Variants in TIMM44 observed in about 807,000 individuals in gnomAD.
TIMM44 encodes translocase of inner mitochondrial membrane 44, also known as mitochondrial import inner membrane translocase subunit TIM44.
A neutral mutation model predicts 63.8 loss-of-function variants in TIMM44; 37 were observed. That is an observed-to-expected ratio of 0.58 (90% CI 0.45 to 0.76). The LOEUF is 0.76. TIMM44 is among the 30% of genes least tolerant of loss of function. The pLI is 0.00. For missense variants in TIMM44, 573 were observed against 603.8 expected (o/e 0.95, Z 0.54); for synonymous variants, 239 against 245.1 (o/e 0.98, Z 0.23).
intron 9 of TIMM44, 142 bp downstream of exon 9, chr19:7,932,485 G>A: frequency 4.2e-6 from 5 of 1,200,092 alleles, no homozygotes; most frequent in South Asian, 1.4e-5. Context: ...AGCCGGGCAG[G>A]AGCCCGTGTG....
Position 7,933,664 on chromosome 19 carries a change from G to A in TIMM44, c.684-94C>T. On this transcript the variant is annotated intron_variant, in intron 6 of 12. Coordinates refer to ENST00000270538, the MANE Select transcript of TIMM44 (RefSeq NM_006351.4). This position sits in a 1 kb window ranked among gnomAD's most constrained non-coding sequence, Gnocchi z 4.3. Reference sequence around the variant, plus strand: ...AGGCAGGGGGCAGTACAGGACAGCAGGCAGCTGAGACCTCAAACCTAGGGG... The same window carrying A: ...AGGCAGGGGGCAGTACAGGACAGCAAGCAGCTGAGACCTCAAACCTAGGGG... 1 of 1,333,858 alleles carries A rather than the reference G, an allele frequency of 7.5e-7. No individual in the cohort carries two copies. Among genetic ancestry groups the A allele is most frequent in the South Asian group, 1.2e-5 (1 of 85,048 alleles). The allele number at this position is 1,333,858 out of a possible 1,614,324, so 82.6% of individuals were successfully genotyped here.
chr19:7,927,188 CAG>C lies in TIMM44; in HGVS notation c.1356_1357del (p.Ter453SerfsTer142). The stretch of plus-strand genomic sequence containing the variant: ...GGCTACCTGGCTCCGGCACCACACT[CAG>C]AGAATCTGCTCGGTGCTGGAGGCCG... On this transcript the variant is annotated frameshift_variant and stop_lost, in exon 13 of 13. Transcript: ENST00000270538. LOFTEE classifies it high-confidence loss of function. 1 of 1,608,182 alleles carries C rather than the reference CAG, an allele frequency of 6.2e-7. No homozygotes were observed. Among genetic ancestry groups the C allele is most frequent in the Non-Finnish European group, 8.5e-7 (1 of 1,179,546 alleles).
At chr19:7,937,927 G>A (rs189421718) in intron 3 of TIMM44, 100 bp downstream of exon 3, 3 of 1,416,242 alleles carry the variant, frequency 2.1e-6, no homozygotes, top group South Asian at 2.3e-5. Flanking sequence ...CTGAGGCAGG[G>A]GAATCACTTG....
At position 7,930,827 on chromosome 19, in the gene TIMM44, C is replaced by T. The variant is rs376851488; in HGVS notation, c.1038+311G>A. Among the ~76,000 whole-genome samples, 21 of 152,300 alleles carry T rather than the reference C, an allele frequency of 1.4e-4. No individual in the cohort carries two copies. The South Asian group carries it at 2.9e-3, about 21-fold the overall frequency. ...GATCTCTCACAGGCCCAGGGGACAC[C>T]CCCAACCAGCCATCTCTTAGACACC... is the stretch of plus-strand genomic sequence containing the variant. On this transcript the variant is annotated intron_variant, in intron 10 of 12. Coordinates refer to ENST00000270538, the MANE Select transcript of TIMM44 (RefSeq NM_006351.4).
At chr19:7,940,465 G>A (rs1252152542) in intron 2 of TIMM44, among the ~76,000 whole-genome samples, 2 of 152,136 alleles carry the variant, frequency 1.3e-5, no homozygotes, top group African/African-American at 4.8e-5. Context: ...AAGGGAAAGA[G>A]TCACAGGTCC....
intron 12 of TIMM44, 88 bp downstream of exon 12, chr19:7,927,569 C>A: frequency 7.3e-7 from 1 of 1,371,146 alleles, no homozygotes; most frequent in Non-Finnish European, 1.0e-6. Context: ...CTTCAGGGCT[C>A]TGAGCTGGGG....
intron 2 of TIMM44, among the ~76,000 whole-genome samples, chr19:7,940,402 ACT>A (rs1404022147): frequency 6.6e-6 from 1 of 151,700 alleles, no homozygotes; most frequent in Non-Finnish European, 1.5e-5. Flanking sequence ...CCTACCAGAG[ACT>A]CTTGGGCTAC....
chr19:7,932,428 C>T (rs187233576), intron 9 of TIMM44, 199 bp downstream of exon 9: 66 of 669,806 alleles, frequency 9.9e-5, no homozygotes, highest in Non-Finnish European at 1.4e-4. Context: ...CCGGAGGTGC[C>T]GGTAAGGCCC....
At chr19:7,931,085 G>A (rs747107507) in intron 10 of TIMM44, 53 bp downstream of exon 10, 16 of 1,562,300 alleles carry the variant, frequency 1.0e-5, no homozygotes, top group Non-Finnish European at 1.3e-5. Flanking sequence ...ACTTCTCCAT[G>A]GTGATTTTTT....
chr19:7,930,131 T>G (rs4804836), intron 10 of TIMM44, among the ~76,000 whole-genome samples: 152,014 of 152,022 alleles, frequency 1, 76,003 homozygotes, highest in East Asian at 1. Flanking sequence ...TGACAGGCGT[T>G]AGCCACCGTG....
chr19:7,934,226 C>T lies in TIMM44; in HGVS notation c.406G>A (p.Val136Ile). 6.2e-7 allele frequency: 1 copy of T among 1,612,590 alleles called. No homozygotes were observed. The highest frequency in any genetic ancestry group is 8.5e-7 in the Non-Finnish European group (1 of 1,179,988). The change falls in exon 5 of 13, where the codon GTC (valine) becomes ATC (isoleucine). Residue 136 changes from valine (V) to isoleucine (I), a missense_variant. Transcript: ENST00000270538. This position sits in a 1 kb window ranked among gnomAD's most constrained non-coding sequence, Gnocchi z 5.3. ...TGTVKESLHE[V>I]SKSDLGRKIK... is the part of the protein sequence containing the mutation. ...TTCCGGCCGAGATCACTTTTACTGA[C>T]TTCGTGAAGGCTCTACTGAGACAGA...
At chr19:7,935,394 A>G in intron 3 of TIMM44, 1 of 492,208 alleles carries the variant, frequency 2.0e-6, no homozygotes, top group Non-Finnish European at 3.7e-6. Context: ...CAAACTTCTG[A>G]CCTCAAGTGA....
chr19:7,940,286 G>A (rs570763838), intron 2 of TIMM44, among the ~76,000 whole-genome samples: 22 of 151,424 alleles, frequency 1.5e-4, no homozygotes, highest in Admixed American at 9.2e-4. Context: ...CAGGCCTCCT[G>A]TCAGCAGGCT....
chr19:7,941,336 A>G (rs34075581), intron 1 of TIMM44, 139 bp from the exon 2 acceptor site: 51,180 of 694,862 alleles, frequency 0.074, 2,287 homozygotes, highest in African/African-American at 0.16. Flanking sequence ...GTCTCAGGCT[A>G]GAGTGCAGTG....
intron 1 of TIMM44, among the ~76,000 whole-genome samples, 187 bp from the exon 2 acceptor site, chr19:7,941,384 T>G (rs1051774345): frequency 6.7e-6 from 1 of 150,170 alleles, no homozygotes; most frequent in African/African-American, 2.5e-5. Flanking sequence ...GCCTCCTGGG[T>G]TCAAGCGATT....
Position 7,934,212 on chromosome 19 carries a change from A to G in TIMM44, c.420T>C (p.Asp140=). Residue 140 remains aspartate, a synonymous_variant, in exon 5 of 13, where the codon GAT becomes GAC. Transcript: ENST00000270538. The surrounding 1 kb of genome is among the most constrained non-coding windows in gnomAD (Gnocchi z 5.3). ...KESLHEVSKS[D]LGRKIKEGVE... ...CGCCCTCCTTGATTTTCCGGCCGAG[A>G]TCACTTTTACTGACTTCGTGAAGGC... The G allele has an allele frequency of 6.2e-7, 1 of 1,613,022 alleles. No individual in the cohort carries two copies. The highest frequency in any genetic ancestry group is 8.5e-7 in the Non-Finnish European group (1 of 1,179,970).
chr19:7,939,156 G>A (rs918665650), intron 2 of TIMM44, among the ~76,000 whole-genome samples: 3 of 152,056 alleles, frequency 2.0e-5, no homozygotes, highest in Non-Finnish European at 2.9e-5. Flanking sequence ...TAATAATAAT[G>A]TATCAACATC....
chr19:7,931,352 C>A (rs1038835185), intron 9 of TIMM44, 164 bp from the exon 10 acceptor site: 21 of 700,870 alleles, frequency 3.0e-5, no homozygotes, highest in Non-Finnish European at 5.2e-5. Context: ...GGTGTCCCCC[C>A]CAGGCCCGTC....
chr19:7,927,099 C>T lies in TIMM44; in HGVS notation c.*88G>A. Reference sequence around the variant, plus strand: ...TGGGGGCAGAGCCCGCAGTCTTGTTCCCAGAGGTCTGGAGTTGCCGCAGGT... The same window carrying T: ...TGGGGGCAGAGCCCGCAGTCTTGTTTCCAGAGGTCTGGAGTTGCCGCAGGT... On this transcript the variant is annotated 3_prime_UTR_variant, in exon 13 of 13. Transcript: ENST00000270538. 4.6e-6 allele frequency: 7 copies of T among 1,524,534 alleles called. No individual in the cohort carries two copies. The highest frequency in any genetic ancestry group is 1.2e-5 in the South Asian group (1 of 83,880). 94.4% of individuals were successfully genotyped at this position (1,524,534 alleles called of 1,614,324 possible). A position where few individuals can be genotyped will look rare whatever the true frequency, so the allele number is the denominator to read the frequency against.
Sources: gnomAD v4.1 joint callset for allele counts (sites outside exome capture counted in the v4.1 genomes callset) on GRCh38, gnomAD v4.1.1 for gene constraint, Gnocchi (gnomAD v3.1) non-coding constraint, MANE v1.5 for transcripts, NCBI Gene and HGNC (gene_info 2026-07-23, HGNC 2026-07-21) for gene names.